Variants in RFX4 observed in about 807,000 individuals in gnomAD.
RFX4 encodes the protein transcription factor RFX4.
Under a neutral mutation model 95.0 loss-of-function variants are expected in RFX4, and 10 were observed. The ratio of observed to expected loss-of-function variants is 0.11; its 90% CI spans 0.06 to 0.18. The LOEUF (loss-of-function observed/expected upper bound fraction) is 0.18, where lower values mean the gene tolerates loss of function less well. Ranked by LOEUF, RFX4 falls within the 10% of genes least tolerant of loss-of-function variation. RFX4 has a pLI of 1.00. For synonymous variants in RFX4, 321 were observed against 340.7 expected (o/e 0.94, Z 0.64); for missense variants, 640 against 922.0 (o/e 0.69, Z 3.96).
intron 15 of RFX4, among the ~76,000 whole-genome samples, chr12:106,741,509 G>T (rs1167071779): frequency 6.6e-6 from 1 of 152,192 alleles, no homozygotes; most frequent in Admixed American, 6.5e-5. Context: ...TGGCTATTAA[G>T]CACTTCAAAT....
At chr12:106,653,760 A>G (rs1289351833) in intron 3 of RFX4, among the ~76,000 whole-genome samples, 2 of 152,186 alleles carry the variant, frequency 1.3e-5, no homozygotes, top group Non-Finnish European at 2.9e-5. Flanking sequence ...TGGTTTTCCC[A>G]GACAATCCCC....
At chr12:106,672,461 G>A (rs1324134705) in intron 4 of RFX4, among the ~76,000 whole-genome samples, 3 of 152,322 alleles carry the variant, frequency 2.0e-5, no homozygotes, top group African/African-American at 7.2e-5. Flanking sequence ...AGCTAGAACA[G>A]CATGTGGTGT....
At chr12:106,732,624 C>T (rs1337566785) in intron 14 of RFX4, among the ~76,000 whole-genome samples, 3 of 152,056 alleles carry the variant, frequency 2.0e-5, no homozygotes, top group Non-Finnish European at 4.4e-5. Flanking sequence ...CACTTGAACC[C>T]GGGAGGCAGA....
At chr12:106,760,871 A>G (rs1025368355) in intron 17 of RFX4, among the ~76,000 whole-genome samples, 2 of 152,088 alleles carry the variant, frequency 1.3e-5, no homozygotes, top group Admixed American at 6.6e-5. Flanking sequence ...TGTGTGTGTG[A>G]CAAACACACA....
intron 2 of RFX4, among the ~76,000 whole-genome samples, chr12:106,623,661 T>C (rs2040231465): frequency 6.6e-6 from 1 of 152,188 alleles, no homozygotes; most frequent in Non-Finnish European, 1.5e-5. Flanking sequence ...TGCTTTGGCC[T>C]GTGGTCCCAG....
chr12:106,688,159 TC>T (rs2041703202), intron 6 of RFX4, among the ~76,000 whole-genome samples: 1 of 140,570 alleles, frequency 7.1e-6, no homozygotes, highest in Admixed American at 7.7e-5. Flanking sequence ...AACCTCCGCC[TC>T]CCAGGTTCAA....
At chr12:106,672,911 C>T (rs910282906) in intron 4 of RFX4, among the ~76,000 whole-genome samples, 13 of 152,230 alleles carry the variant, frequency 8.5e-5, no homozygotes, top group East Asian at 7.7e-4. Flanking sequence ...GATACAGCAG[C>T]GCTTCCACCC....
intron 2 of RFX4, among the ~76,000 whole-genome samples, chr12:106,628,009 C>A (rs2040338858): frequency 6.6e-6 from 1 of 152,208 alleles, no homozygotes; most frequent in Non-Finnish European, 1.5e-5. Context: ...GTGTCTGCTG[C>A]AGTTTTAGTG....
intron 4 of RFX4, among the ~76,000 whole-genome samples, chr12:106,664,804 T>C (rs1326991268): frequency 1.3e-5 from 2 of 151,860 alleles, no homozygotes; most frequent in African/African-American, 4.8e-5. Context: ...CCATGAGTTA[T>C]GTAGAATTGT....
intron 17 of RFX4, among the ~76,000 whole-genome samples, chr12:106,760,583 A>G (rs1469134540): frequency 6.6e-6 from 1 of 152,206 alleles, no homozygotes; most frequent in Non-Finnish European, 1.5e-5. Flanking sequence ...AATGTGAGCC[A>G]AAAAGAAAAA....
At chr12:106,630,122 CT>C (rs1243596550) in intron 2 of RFX4, among the ~76,000 whole-genome samples, 2 of 151,948 alleles carry the variant, frequency 1.3e-5, no homozygotes, top group Admixed American at 1.3e-4. Flanking sequence ...GGTTCTTGGT[CT>C]TTTTCCTGCT....
intron 7 of RFX4, among the ~76,000 whole-genome samples, chr12:106,695,945 C>T (rs764455451): frequency 3.0e-4 from 46 of 152,302 alleles, no homozygotes; most frequent in Non-Finnish European, 5.6e-4. Context: ...AAAAACAATG[C>T]CCCACCTTCC....
chr12:106,650,081 C>CT (rs1324586548), intron 3 of RFX4, among the ~76,000 whole-genome samples: 2 of 152,192 alleles, frequency 1.3e-5, no homozygotes, highest in African/African-American at 4.8e-5. Context: ...GCCACCTCCC[C>CT]TAGAGGTACA....
chr12:106,755,058 T>C (rs945749431), intron 17 of RFX4, among the ~76,000 whole-genome samples: 5 of 152,236 alleles, frequency 3.3e-5, no homozygotes, highest in Admixed American at 1.3e-4. Flanking sequence ...TCTAGGCATA[T>C]TTAAATATAC....
chr12:106,728,614 G>A (rs1172121693), intron 13 of RFX4, among the ~76,000 whole-genome samples: 1 of 152,056 alleles, frequency 6.6e-6, no homozygotes, highest in Non-Finnish European at 1.5e-5. Context: ...AAATAAAGTG[G>A]GATGTTCGCT....
At chr12:106,679,472 A>C (rs998247272) in intron 4 of RFX4, among the ~76,000 whole-genome samples, 28 of 152,236 alleles carry the variant, frequency 1.8e-4, no homozygotes, top group African/African-American at 6.0e-4. Flanking sequence ...AACAAAAAAA[A>C]AAACCAAAAA....
intron 8 of RFX4, among the ~76,000 whole-genome samples, chr12:106,707,785 TTTG>T (rs113186251): frequency 8.0e-4 from 121 of 151,268 alleles, no homozygotes; most frequent in Non-Finnish European, 8.4e-4. Flanking sequence ...AAATAAGAGG[TTTG>T]TTGTTGTTGT....
chr12:106,658,353 A>G (rs1467178436), intron 4 of RFX4, among the ~76,000 whole-genome samples: 3 of 151,556 alleles, frequency 2.0e-5, no homozygotes, highest in Non-Finnish European at 2.9e-5. Flanking sequence ...TCTCCACCCA[A>G]CTCTTCCTGC....
At chr12:106,674,495 T>G (rs1011905484) in intron 4 of RFX4, among the ~76,000 whole-genome samples, 2 of 151,938 alleles carry the variant, frequency 1.3e-5, no homozygotes, top group African/African-American at 4.8e-5. Context: ...CACGCCAAAC[T>G]AATTTGCGTA....
Sources: allele counts gnomAD v4.1 joint callset (sites outside exome capture counted in the v4.1 genomes callset), GRCh38; gene constraint gnomAD v4.1.1; transcripts MANE v1.5; gene names NCBI Gene and HGNC (gene_info 2026-07-23, HGNC 2026-07-21).